TET2: variants seen among roughly 807,000 people sequenced by gnomAD.
The protein encoded by TET2 is methylcytosine dioxygenase TET2.
A neutral mutation model predicts 142.9 loss-of-function variants in TET2; 299 were observed. The ratio of observed to expected loss-of-function variants is 2.09; its 90% CI spans 1.90 to 2.30. The LOEUF (loss-of-function observed/expected upper bound fraction) is 2.30. TET2 is among the 30% of genes most tolerant of loss of function. The probability of loss-of-function intolerance (pLI) is 0.00; values close to 1 mark genes in which losing one functional copy is unlikely to be tolerated. For synonymous variants in TET2, 819 were observed against 849.0 expected, an observed-to-expected ratio of 0.96 and a Z score of 0.61; for missense variants, 2,418 against 2,378.0, an observed-to-expected ratio of 1.02 and a Z score of -0.35.
At chr4:105,191,129 A>AT (rs376154854) in intron 2 of TET2, among the ~76,000 whole-genome samples, 56 of 152,282 alleles carry the variant, frequency 3.7e-4, no homozygotes, top group African/African-American at 1.2e-3. Context: ...TCAAGCCATC[A>AT]TCCTGCCTTA....
At chr4:105,170,379 G>A (rs1239746074) in intron 1 of TET2, among the ~76,000 whole-genome samples, 1 of 152,158 alleles carries the variant, frequency 6.6e-6, no homozygotes. Context: ...CAGCTACTCT[G>A]AAGGCTGAGG....
Position 105,235,384 on chromosome 4 carries a change from A to C in TET2, c.1442A>C (p.Gln481Pro). ...SPSPMLSERP[Q>P]NNCVNRNDIQ... Reference sequence around the variant, plus strand: ...TCTCCGATGCTTTCTGAAAGGCCTCAGAATAATTGTGTGAACAGGAATGAC... The same window carrying C: ...TCTCCGATGCTTTCTGAAAGGCCTCCGAATAATTGTGTGAACAGGAATGAC... The change falls in exon 3 of 11, where the codon CAG (glutamine) becomes CCG (proline). Residue 481 changes from glutamine to proline, a missense_variant. By Grantham distance (76) the Gln-to-Pro change is moderately conservative (BLOSUM62 -1). Coordinates refer to ENST00000380013, the MANE Select transcript of TET2 (RefSeq NM_001127208.3). 1 of 1,614,220 alleles carries C rather than the reference A, an allele frequency of 6.2e-7. No individual in the cohort carries two copies. The highest frequency in any genetic ancestry group is 8.5e-7 in the Non-Finnish European group (1 of 1,180,024).
chr4:105,168,802 A>G (rs1322466124), intron 1 of TET2, among the ~76,000 whole-genome samples: 1 of 151,970 alleles, frequency 6.6e-6, no homozygotes, highest in Non-Finnish European at 1.5e-5. Flanking sequence ...GCATCCTCAT[A>G]GCGTAGCTCC....
intron 1 of TET2, among the ~76,000 whole-genome samples, chr4:105,148,283 G>A (rs1406117046): frequency 6.6e-6 from 1 of 152,184 alleles, no homozygotes; most frequent in African/African-American, 2.4e-5. Context: ...CATTGAGGGA[G>A]TTCTCCCTTC....
At chr4:105,182,530 A>T (rs1472160383) in intron 1 of TET2, among the ~76,000 whole-genome samples, 1 of 152,254 alleles carries the variant, frequency 6.6e-6, no homozygotes, top group Non-Finnish European at 1.5e-5. Flanking sequence ...AAAAGTAGAC[A>T]CTTGCAATTT....
upstream of TET2, chr4:105,146,681 T>A (rs1723031925): frequency 6.6e-6 from 1 of 152,034 alleles, no homozygotes; most frequent in Non-Finnish European, 1.5e-5. Context: ...GAGCCGGCGG[T>A]AGCGGCAGTG....
Position 105,243,673 on chromosome 4 carries a change from G to A in TET2, c.3698G>A (p.Trp1233Ter), listed in dbSNP as rs1345624065. The A allele has an allele frequency of 3.2e-6, 5 of 1,551,416 alleles. No individual in the cohort carries two copies. Among genetic ancestry groups the A allele is most frequent in the Non-Finnish European group, 2.6e-6 (3 of 1,146,968 alleles). ...GTGATTGTGATTCTCATCCTGGTGT[G>A]GGAAGGAATCCCGCTGTCTCTGGCT... The part of the protein sequence containing the change: ...AAVIVILILV[W>*]EGIPLSLADK... The change falls in exon 6 of 11, where the codon TGG (tryptophan) becomes TAG (stop). Residue 1233 changes from tryptophan (W) to a stop codon, truncating the protein, a stop_gained. Coordinates refer to ENST00000380013, the MANE Select transcript of TET2 (RefSeq NM_001127208.3). LOFTEE classifies it high-confidence loss of function.
In TET2 at chr4:105,147,574, GT is replaced by G. The variant is rs142151308; in HGVS notation, c.-193+605del. On this transcript the variant is annotated intron_variant, in intron 1 of 10. Coordinates refer to ENST00000380013, the MANE Select transcript of TET2 (RefSeq NM_001127208.3). ...AGTGGAATTGGAGTACACTGAGTGGGTTTTTTTTTTCCTTAAGTCCGCGCGT... is the reference window on the plus strand; with the variant it reads ...AGTGGAATTGGAGTACACTGAGTGGGTTTTTTTTTCCTTAAGTCCGCGCGT... The G allele has an allele frequency of 3.1e-4, 47 of 149,786 alleles. No individual in the cohort carries two copies. In the East Asian group the frequency reaches 5.6e-3, roughly 18 times the overall value. The allele number at this position is 149,786 out of a possible 1,614,324, so 9.3% of individuals were successfully genotyped here. A position where few individuals can be genotyped will look rare whatever the true frequency, so the allele number is the denominator to read the frequency against.
intron 1 of TET2, among the ~76,000 whole-genome samples, chr4:105,166,446 T>C (rs988403906): frequency 1.3e-5 from 2 of 152,084 alleles, no homozygotes; most frequent in African/African-American, 4.8e-5. Context: ...TTCTTAATTA[T>C]ACCATTTGAT....
Position 105,234,579 on chromosome 4 carries a change from G to A in TET2, c.637G>A (p.Val213Ile), listed in dbSNP as rs1486874084. The A allele has an allele frequency of 6.2e-7, 1 of 1,614,152 alleles. No homozygotes were observed. Among genetic ancestry groups the A allele is most frequent in the South Asian group, 1.1e-5 (1 of 91,088 alleles). The change falls in exon 3 of 11, where the codon GTT (valine) becomes ATT (isoleucine). Residue 213 changes from valine (V) to isoleucine (I), a missense_variant. Physicochemically the swap from Val to Ile is conservative, Grantham distance 29. Transcript: ENST00000380013. ...AGTGCTAATGCCTAATGGTGCTACA[G>A]TTTCTGCCTCTTCCGTGGAACACAC... is the stretch of plus-strand genomic sequence containing the variant. ...KAVLMPNGAT[V>I]SASSVEHTHG...
At position 105,276,335 on chromosome 4, in the gene TET2, A is replaced by C; in HGVS notation, c.5825A>C (p.Gln1942Pro). 6.4e-7 allele frequency: 1 copy of C among 1,551,788 alleles called. No individual in the cohort carries two copies. Among genetic ancestry groups the C allele is most frequent in the Non-Finnish European group, 8.7e-7 (1 of 1,147,004 alleles). Reference protein sequence around the residue: ...CEKYGPDYVPQKSHGKKVKRE... With the variant: ...CEKYGPDYVPPKSHGKKVKRE... ...AAGTATGGCCCAGACTATGTGCCTC[A>C]GAAATCCCATGGCAAAAAAGTGAAA... Residue 1942 changes from glutamine (Q) to proline (P), a missense_variant, in exon 11 of 11, where the codon CAG becomes CCG. Transcript: ENST00000380013.
chr4:105,154,165 T>C (rs1474568851), intron 1 of TET2, among the ~76,000 whole-genome samples: 2 of 152,194 alleles, frequency 1.3e-5, no homozygotes, highest in African/African-American at 4.8e-5. Context: ...AAGTATGAGA[T>C]TTCTTTTGGT....
chr4:105,237,524 G>A lies in TET2; in HGVS notation c.3409+173G>A, dbSNP rs565637854. The A allele has an allele frequency of 7.0e-6, 11 of 1,577,930 alleles. No homozygotes were observed. In the African/African-American group the frequency reaches 1.5e-4, roughly 22 times the overall value. On this transcript the variant is annotated intron_variant, in intron 3 of 10. Transcript: ENST00000380013. ...GTCAAGTTACCGATGCTTGTGTCTT[G>A]TGAAAGAGAACTTCACTTACATGCA...
In TET2 at chr4:105,235,211, A is replaced by G. The variant is rs2110226134; in HGVS notation, c.1269A>G (p.Lys423=). 1.2e-6 allele frequency: 2 copies of G among 1,613,960 alleles called. No homozygotes were observed. The highest frequency in any genetic ancestry group is 1.7e-6 in the Non-Finnish European group (2 of 1,179,974). The change falls in exon 3 of 11, where the codon AAA becomes AAG. Residue 423 remains lysine (K), a synonymous_variant. Coordinates refer to ENST00000380013, the MANE Select transcript of TET2 (RefSeq NM_001127208.3). ...TTCCTCAGCTTCCTTCAGAAGGAAA[A>G]AGCACTCTGAATGGTGGAGTTTTAG... The part of the protein sequence containing the change: ...PQVPQLPSEG[K]STLNGGVLEE...
chr4:105,159,904 TG>T (rs1723759529), intron 1 of TET2, among the ~76,000 whole-genome samples: 1 of 152,028 alleles, frequency 6.6e-6, no homozygotes, highest in African/African-American at 2.4e-5. Context: ...CTTGGGAGAC[TG>T]TGGCAGGAGA....
chr4:105,217,395 A>C (rs1175887593), intron 2 of TET2, among the ~76,000 whole-genome samples: 2 of 152,008 alleles, frequency 1.3e-5, no homozygotes, highest in Non-Finnish European at 2.9e-5. Context: ...GGTTTTATGA[A>C]TTTATACTCT....
rs1728663338 is a variant in TET2, at chr4:105,233,911, G to T, written c.-32G>T. On this transcript the variant is annotated 5_prime_UTR_variant, in exon 3 of 11. Coordinates refer to ENST00000380013, the MANE Select transcript of TET2 (RefSeq NM_001127208.3). ...ATGCTCTTTAGAATTCAACTAGAGGGCAGCCTTGTGGATGGCCCCGAAGCA... is the reference window on the plus strand; with the variant it reads ...ATGCTCTTTAGAATTCAACTAGAGGTCAGCCTTGTGGATGGCCCCGAAGCA... 7 of 1,574,640 alleles carry T rather than the reference G, an allele frequency of 4.4e-6. No homozygotes were observed. The highest frequency in any genetic ancestry group is 6.0e-6 in the Non-Finnish European group (7 of 1,162,688).
rs538879932 is a variant in TET2 at position 105,188,357 on chromosome 4, G to T, written c.-192-2003G>T. ...TACAGTAGAATAATGATTGCCAGGG[G>T]CTGGGAGGAGGAGCAAATGGGAAGT... On this transcript the variant is annotated intron_variant, in intron 1 of 10. Coordinates refer to ENST00000380013, the MANE Select transcript of TET2 (RefSeq NM_001127208.3). Among the ~76,000 whole-genome samples, 36 of 152,322 alleles carry T rather than the reference G, an allele frequency of 2.4e-4. 1 individual carries two copies. In the South Asian group the frequency reaches 7.5e-3, roughly 32 times the overall value.
In TET2 at chr4:105,235,069, T is replaced by C. The variant is rs940780531; in HGVS notation, c.1127T>C (p.Met376Thr). The C allele has an allele frequency of 6.2e-7, 1 of 1,614,052 alleles. No individual in the cohort carries two copies. The highest frequency in any genetic ancestry group is 1.3e-5 in the African/African-American group (1 of 75,004). The change falls in exon 3 of 11, where the codon ATG (methionine) becomes ACG (threonine). Residue 376 changes from methionine (M) to threonine (T), a missense_variant. Transcript: ENST00000380013. The part of the protein sequence containing the change: ...SSERYLKQNE[M>T]NGAYFKQSSV... ...GAACGGTATTTAAAACAAAATGAAA[T>C]GAATGGTGCTTACTTCAAGCAAAGC...
Sources: gnomAD v4.1 joint callset for allele counts (sites outside exome capture counted in the v4.1 genomes callset) on GRCh38, gnomAD v4.1.1 for gene constraint, MANE v1.5 for transcripts, NCBI Gene and HGNC (gene_info 2026-07-23, HGNC 2026-07-21) for gene names.